The following PIK3C2B variants were observed in gnomAD, a reference collection of about 807,000 sequenced individuals.
PIK3C2B encodes phosphatidylinositol-4-phosphate 3-kinase catalytic subunit type 2 beta.
In PIK3C2B, 83 loss-of-function variants were observed where a neutral mutation model predicts 184.3. The ratio of observed to expected loss-of-function variants is 0.45; its 90% CI spans 0.38 to 0.54. The LOEUF (loss-of-function observed/expected upper bound fraction) is 0.54, where lower values mean the gene tolerates loss of function less well. Ranked by LOEUF, PIK3C2B falls within the 20% of genes least tolerant of loss-of-function variation. PIK3C2B has a pLI of 0.00. For missense variants in PIK3C2B, 1,736 were observed against 2,113.5 expected (o/e 0.82, Z 3.50); for synonymous variants, 779 against 837.6 (o/e 0.93, Z 1.21).
rs1217385131 is a variant in PIK3C2B, at chr1:204,479,702, A to C, written c.-84-9816T>G. ...TGCCTCGATACAGCATTTGCTTCCT[A>C]TAAACTGAGGTCTTCTGCAAGGCCC... On this transcript the variant is annotated intron_variant, in intron 1 of 32. Transcript: ENST00000684373. Among the ~76,000 whole-genome samples, 3 of 152,166 alleles carry C rather than the reference A, an allele frequency of 2.0e-5. No individual in the cohort carries two copies. In the East Asian group the frequency reaches 5.8e-4, roughly 29 times the overall value.
rs771805004 is a variant in PIK3C2B at position 204,464,431 on chromosome 1, T to TC, written c.1189+18dup. On this transcript the variant is annotated intron_variant, in intron 4 of 32. Coordinates refer to ENST00000684373, the MANE Select transcript of PIK3C2B (RefSeq NM_001377334.1). Reference sequence around the variant, plus strand: ...CACTTCAAGGGATGCTCACATCCTCTCCCCCCTCACTAACTTACAGTTGCA... The same window carrying TC: ...CACTTCAAGGGATGCTCACATCCTCTCCCCCCCTCACTAACTTACAGTTGCA... The TC allele has an allele frequency of 2.5e-6, 4 of 1,607,680 alleles. No individual in the cohort carries two copies. The highest frequency in any genetic ancestry group is 1.3e-5 in the African/African-American group (1 of 74,672).
intron 1 of PIK3C2B, among the ~76,000 whole-genome samples, chr1:204,483,965 C>T (rs995767155): frequency 1.3e-5 from 2 of 152,170 alleles, no homozygotes; most frequent in Non-Finnish European, 2.9e-5. Flanking sequence ...TGTAAGCATC[C>T]GGCACCAACA....
intron 17 of PIK3C2B, 29 bp from the exon 18 acceptor site, chr1:204,444,191 A>G: frequency 6.6e-7 from 1 of 1,520,076 alleles, no homozygotes; most frequent in South Asian, 1.1e-5. Flanking sequence ...GAAAGAGAAT[A>G]TGAAGCTTCA....
Position 204,449,876 on chromosome 1 carries a change from G to C in PIK3C2B, c.2208C>G (p.Val736=). ...QRRVPEALGW[V]TTPLFNFRQV... is the part of the protein sequence containing the mutation. The stretch of plus-strand genomic sequence containing the variant: ...GCCTGAAGTTGAAGAGTGGGGTAGT[G>C]ACCCAGCCCAGGGCTTCAGGCACCC... Residue 736 remains valine (V), a synonymous_variant, in exon 13 of 33, where the codon GTC becomes GTG. Transcript: ENST00000684373. The C allele has an allele frequency of 6.2e-7, 1 of 1,613,076 alleles. No individual in the cohort carries two copies. Among genetic ancestry groups the C allele is most frequent in the Non-Finnish European group, 8.5e-7 (1 of 1,179,510 alleles).
intron 12 of PIK3C2B, among the ~76,000 whole-genome samples, chr1:204,450,938 G>A (rs1212519630): frequency 6.6e-6 from 1 of 152,190 alleles, no homozygotes; most frequent in Admixed American, 6.5e-5. Flanking sequence ...CTATGCCAGA[G>A]GGCGCAGAGG....
rs545249382 is a variant in PIK3C2B, at chr1:204,447,426, C to T, written c.2489+10G>A. ...AAACATGACAGATTCAGTGGGGGCCCGGGTCTCACCAGTACAAGGACTCTT... is the reference window on the plus strand; with the variant it reads ...AAACATGACAGATTCAGTGGGGGCCTGGGTCTCACCAGTACAAGGACTCTT... On this transcript the variant is annotated intron_variant, in intron 15 of 32. Transcript: ENST00000684373. The surrounding 1 kb of genome is among the most constrained non-coding windows in gnomAD (Gnocchi z 4.1). 2.5e-5 allele frequency: 41 copies of T among 1,610,532 alleles called. No individual in the cohort carries two copies. The highest frequency in any genetic ancestry group is 5.3e-5 in the African/African-American group (4 of 74,938).
chr1:204,452,124 T>C (rs1438733284), intron 12 of PIK3C2B, among the ~76,000 whole-genome samples: 1 of 152,090 alleles, frequency 6.6e-6, no homozygotes, highest in Non-Finnish European at 1.5e-5. Flanking sequence ...CACAAGGCGC[T>C]AGGCAGGGGA....
intron 12 of PIK3C2B, among the ~76,000 whole-genome samples, chr1:204,452,274 C>G (rs1384064007): frequency 7.1e-6 from 1 of 140,048 alleles, no homozygotes; most frequent in Non-Finnish European, 1.5e-5. Context: ...TGGGCCAGAA[C>G]ACTGTGCAGC....
At chr1:204,480,568 TAA>T (rs1657040842) in intron 1 of PIK3C2B, among the ~76,000 whole-genome samples, 1 of 151,860 alleles carries the variant, frequency 6.6e-6, no homozygotes, top group East Asian at 1.9e-4. Flanking sequence ...ATCACACACA[TAA>T]GAGTAGAGGA....
At position 204,431,758 on chromosome 1, in the gene PIK3C2B, G is replaced by C. The variant is rs61748805; in HGVS notation, c.4191C>G (p.His1397Gln). The C allele has an allele frequency of 6.2e-7, 1 of 1,614,122 alleles. No homozygotes were observed. Among genetic ancestry groups the C allele is most frequent in the East Asian group, 2.2e-5 (1 of 44,886 alleles). ...YVVKVMRENT[H>Q]EATYIQRTFE... ...AGGTCCGCTGGATGTAGGTGGCCTC[G>C]TGAGTGTTCTCTCGCATCACCTTTA... Residue 1397 changes from histidine (H) to glutamine (Q), a missense_variant, in exon 28 of 33, where the codon CAC becomes CAG. By Grantham distance (24) the His-to-Gln change is conservative (BLOSUM62 0). Coordinates refer to ENST00000684373, the MANE Select transcript of PIK3C2B (RefSeq NM_001377334.1).
chr1:204,463,428 G>A (rs1019535845), intron 5 of PIK3C2B, among the ~76,000 whole-genome samples: 1 of 152,176 alleles, frequency 6.6e-6, no homozygotes, highest in Non-Finnish European at 1.5e-5. Context: ...TGCCTCAGCT[G>A]GTCCACATCA....
rs1654137184 is a variant in PIK3C2B at position 204,449,217 on chromosome 1, T to C, written c.2314A>G (p.Asn772Asp). ...ENPSARWSAP[N>D]FHQPDSVILQ... Reference sequence around the variant, plus strand: ...ATGACACTGTCTGGCTGGTGGAAATTAGGTGCACTCCAACGGGCGCTGGGA... The same window carrying C: ...ATGACACTGTCTGGCTGGTGGAAATCAGGTGCACTCCAACGGGCGCTGGGA... The change falls in exon 14 of 33, where the codon AAT becomes GAT. Residue 772 changes from asparagine to aspartate, a missense_variant. Physicochemically the swap from Asn to Asp is conservative, Grantham distance 23. This residue lies in a region of PIK3C2B where 609 missense variants were observed against 699.2 expected (regional missense o/e 0.87). Coordinates refer to ENST00000684373, the MANE Select transcript of PIK3C2B (RefSeq NM_001377334.1). 1 of 1,612,786 alleles carries C rather than the reference T, an allele frequency of 6.2e-7. No individual in the cohort carries two copies. The highest frequency in any genetic ancestry group is 1.3e-5 in the African/African-American group (1 of 74,856).
chr1:204,477,846 A>G (rs1656835698), intron 1 of PIK3C2B, among the ~76,000 whole-genome samples: 1 of 152,254 alleles, frequency 6.6e-6, no homozygotes, highest in Non-Finnish European at 1.5e-5. Context: ...GACTACAAGT[A>G]TTCAGATGAC....
intron 1 of PIK3C2B, among the ~76,000 whole-genome samples, chr1:204,480,833 G>GAATTGTGCC (rs1657075302): frequency 6.6e-6 from 1 of 152,108 alleles, no homozygotes; most frequent in Non-Finnish European, 1.5e-5. Flanking sequence ...CTTCCCTTGG[G>GAATTGTGCC]ATAGGAAGGC....
rs369928493 is a variant in PIK3C2B, at chr1:204,431,672, G to C, written c.4277C>G (p.Pro1426Arg). Reference sequence around the variant, plus strand: ...AGATAGTAAAGGGGGCAGCTACCTGGGCAAGTGGGAAGAAGGGAAGAGCAG... The same window carrying C: ...AGATAGTAAAGGGGGCAGCTACCTGCGCAAGTGGGAAGAAGGGAAGAGCAG... ...LRLLFPSSHL[P>R]SFPSRFVIGR... Residue 1426 changes from proline (P) to arginine (R), a missense_variant, in exon 28 of 33, where the codon CCC (proline) becomes CGC (arginine). Transcript: ENST00000684373. 6.1e-5 allele frequency: 98 copies of C among 1,613,956 alleles called. No homozygotes were observed. The highest frequency in any genetic ancestry group is 7.4e-5 in the Non-Finnish European group (87 of 1,180,048).
At chr1:204,443,988 T>A (rs1171451145) in intron 18 of PIK3C2B, 80 bp downstream of exon 18, 1 of 987,336 alleles carries the variant, frequency 1.0e-6, no homozygotes, top group Non-Finnish European at 1.6e-6. Flanking sequence ...CTCAGTTCCT[T>A]GCCCTTGCGT....
At chr1:204,483,042 C>T (rs1657306049) in intron 1 of PIK3C2B, among the ~76,000 whole-genome samples, 1 of 152,232 alleles carries the variant, frequency 6.6e-6, no homozygotes, top group Middle Eastern at 3.4e-3. Context: ...GCACCTGACT[C>T]TTAGGGCCCC....
At chr1:204,489,146 C>G (rs924968160) in intron 1 of PIK3C2B, among the ~76,000 whole-genome samples, 1 of 151,886 alleles carries the variant, frequency 6.6e-6, no homozygotes, top group African/African-American at 2.4e-5. Context: ...TGTACAAGCT[C>G]TTTATTATTA....
intron 1 of PIK3C2B, among the ~76,000 whole-genome samples, chr1:204,492,081 GC>G (rs1458140863): frequency 2.0e-5 from 3 of 152,056 alleles, no homozygotes; most frequent in African/African-American, 7.2e-5. Flanking sequence ...ACTCCATGTG[GC>G]CCTCAGATCC....
Sources: gnomAD v4.1 joint callset for allele counts (sites outside exome capture counted in the v4.1 genomes callset) on GRCh38, gnomAD v4.1.1 for gene constraint, gnomAD v4.1.1 regional missense constraint, Gnocchi (gnomAD v3.1) non-coding constraint, MANE v1.5 for transcripts, NCBI Gene and HGNC (gene_info 2026-07-23, HGNC 2026-07-21) for gene names.